Variants in WDFY4 observed in about 807,000 individuals in gnomAD.
WDFY4 encodes the protein WDFY family member 4.
WDFY4 carries 169 observed loss-of-function variants against 351.9 expected under a neutral mutation model. That is an observed-to-expected ratio of 0.48 (90% CI 0.42 to 0.55). The LOEUF is 0.55. WDFY4 is among the 20% of genes least tolerant of loss of function. The probability of loss-of-function intolerance (pLI) is 0.00; values close to 1 mark genes in which losing one functional copy is unlikely to be tolerated. For missense variants in WDFY4, 3,803 were observed against 3,935.6 expected (o/e 0.97, Z 0.90); for synonymous variants, 1,622 against 1,574.6 (o/e 1.03, Z -0.71).
At chr10:48,766,989 C>G (rs532324475) in intron 13 of WDFY4, among the ~76,000 whole-genome samples, 2 of 152,324 alleles carry the variant, frequency 1.3e-5, no homozygotes, top group African/African-American at 4.8e-5. Flanking sequence ...GAAACAGAAG[C>G]AGAAGCCCAC....
rs1406906919 is a variant in WDFY4, at chr10:48,733,977, C to T, written c.1629C>T (p.Leu543=). ...TPGVQDPERE[L]TCVMLRIVVT... ...GTGTTCAGGATCCAGAAAGAGAACT[C>T]ACCTGTGTGATGCTGAGGATTGTAG... The change falls in exon 10 of 62, where the codon CTC becomes CTT. Residue 543 remains leucine, a synonymous_variant. Coordinates refer to ENST00000325239, the MANE Select transcript of WDFY4 (RefSeq NM_001394531.1). The T allele has an allele frequency of 3.9e-6, 6 of 1,551,738 alleles. No homozygotes were observed. The African/African-American group carries it at 8.2e-5, about 21-fold the overall frequency.
chr10:48,878,930 A>G (rs969906201), intron 43 of WDFY4, among the ~76,000 whole-genome samples: 2 of 152,248 alleles, frequency 1.3e-5, no homozygotes, highest in African/African-American at 2.4e-5. Flanking sequence ...TTTTATTTTG[A>G]TAATGGAAGT....
intron 24 of WDFY4, among the ~76,000 whole-genome samples, chr10:48,801,774 A>T (rs2067096918): frequency 2.0e-5 from 3 of 152,238 alleles, no homozygotes; most frequent in Non-Finnish European, 4.4e-5. Flanking sequence ...TCCAGGGATT[A>T]AAGAGGGACA....
At chr10:48,777,677 G>A (rs1589583230) in intron 17 of WDFY4, among the ~76,000 whole-genome samples, 182 bp downstream of exon 17, 1 of 152,320 alleles carries the variant, frequency 6.6e-6, no homozygotes, top group South Asian at 2.1e-4. Context: ...TTGAGGCCAG[G>A]AGTTCCAGGC....
At chr10:48,796,181 T>C in intron 23 of WDFY4, 117 bp from the exon 24 acceptor site, 1 of 1,231,194 alleles carries the variant, frequency 8.1e-7, no homozygotes, top group Non-Finnish European at 1.1e-6. Context: ...GAACATGGAA[T>C]GAAGGATGGT....
chr10:48,849,028 C>A (rs2068871051), intron 39 of WDFY4, among the ~76,000 whole-genome samples: 1 of 152,158 alleles, frequency 6.6e-6, no homozygotes, highest in African/African-American at 2.4e-5. Flanking sequence ...CAGTTTCACT[C>A]TGCCCTCCAT....
chr10:48,731,490 T>G lies in WDFY4; in HGVS notation c.1510T>G (p.Phe504Val). Residue 504 changes from phenylalanine to valine, a missense_variant, in exon 9 of 62, where the codon TTC (phenylalanine) becomes GTC (valine). Around this residue, in one of 3 missense-constraint regions of WDFY4, gnomAD observed 261 missense variants for 330.2 expected, o/e 0.79. Coordinates refer to ENST00000325239, the MANE Select transcript of WDFY4 (RefSeq NM_001394531.1). The part of the protein sequence containing the change: ...AGGDPLFTDI[F>V]RDSGLLGLLL... The stretch of plus-strand genomic sequence containing the variant: ...TGGGGACCCCCTCTTCACCGACATC[T>G]TCCGGGACTCAGGGCTCCTGGGCCT... 6.4e-7 allele frequency: 1 copy of G among 1,551,618 alleles called. No individual in the cohort carries two copies. Among genetic ancestry groups the G allele is most frequent in the Non-Finnish European group, 8.7e-7 (1 of 1,146,974 alleles).
At chr10:48,801,974 G>A (rs867469750) in intron 24 of WDFY4, among the ~76,000 whole-genome samples, 49 of 152,158 alleles carry the variant, frequency 3.2e-4, no homozygotes, top group South Asian at 1.0e-3. Flanking sequence ...AATGGGCTTC[G>A]TAGTCAGGTG....
chr10:48,796,507 A>G, intron 24 of WDFY4, 57 bp downstream of exon 24: 1 of 1,517,988 alleles, frequency 6.6e-7, no homozygotes. Context: ...TAAATATGCT[A>G]AGTCTGGGCT....
In WDFY4 at chr10:48,952,329, G is replaced by A. The variant is rs1414188526; in HGVS notation, c.7978-4800G>A. ...CCTACCCAATGCAGCCAGGGCTGTG[G>A]GGCTAGACATAGAAACTGCCAGCCT... On this transcript the variant is annotated intron_variant, in intron 51 of 61. Coordinates refer to ENST00000325239, the MANE Select transcript of WDFY4 (RefSeq NM_001394531.1). 2.6e-5 allele frequency among the ~76,000 whole-genome samples: 4 copies of A among 152,162 alleles called. No individual in the cohort carries two copies. In the South Asian group the frequency reaches 6.2e-4, roughly 24 times the overall value.
intron 28 of WDFY4, among the ~76,000 whole-genome samples, chr10:48,808,722 G>A (rs1225087249): frequency 6.6e-6 from 1 of 152,184 alleles, no homozygotes; most frequent in Non-Finnish European, 1.5e-5. Context: ...ATCAAAACAT[G>A]GTAGAACTGG....
In WDFY4 at chr10:48,805,335, G is replaced by A. The variant is rs144191162; in HGVS notation, c.4560G>A (p.Pro1520=). ...IPKLIFLFNE[P]SLIPSKISTI... is the part of the protein sequence containing the mutation. ...AGCTCATCTTCCTATTCAATGAGCC[G>A]AGCCTCATCCCCTCCAAGATCTCCA... Residue 1520 remains proline (P), a synonymous_variant, in exon 26 of 62, where the codon CCG becomes CCA. Coordinates refer to ENST00000325239, the MANE Select transcript of WDFY4 (RefSeq NM_001394531.1). 1.0e-5 allele frequency: 16 copies of A among 1,548,800 alleles called. No homozygotes were observed. The highest frequency in any genetic ancestry group is 6.8e-5 in the African/African-American group (5 of 73,084).
At chr10:48,747,940 A>T (rs1164299999) in intron 12 of WDFY4, among the ~76,000 whole-genome samples, 3 of 152,160 alleles carry the variant, frequency 2.0e-5, no homozygotes, top group Non-Finnish European at 2.9e-5. Flanking sequence ...GCCCTTCTGT[A>T]GGTATGGGAA....
rs573088164 is a variant in WDFY4, at chr10:48,897,439, C to T, written c.7317-15C>T. 1.3e-4 allele frequency: 196 copies of T among 1,550,186 alleles called. No individual in the cohort carries two copies. In the African/African-American group the frequency reaches 1.7e-3, roughly 14 times the overall value. On this transcript the variant is annotated splice_polypyrimidine_tract_variant and intron_variant, in intron 44 of 61. Transcript: ENST00000325239. The stretch of plus-strand genomic sequence containing the variant: ...ATGTCTGAACATGTGCCCTGCATGC[C>T]TGTTTCCTTTTCAGCATCAGCGATC...
chr10:48,816,571 A>G (rs1269883297), intron 31 of WDFY4, among the ~76,000 whole-genome samples: 1 of 152,214 alleles, frequency 6.6e-6, no homozygotes, highest in Non-Finnish European at 1.5e-5. Context: ...TGAGCAATTA[A>G]TTTAGGGGTA....
At chr10:48,873,273 C>T (rs1051733715) in intron 40 of WDFY4, among the ~76,000 whole-genome samples, 1 of 152,228 alleles carries the variant, frequency 6.6e-6, no homozygotes, top group African/African-American at 2.4e-5. Flanking sequence ...CAACTTTCTC[C>T]TCCCCTAACT....
At chr10:48,758,930 T>A (rs181230471) in intron 12 of WDFY4, among the ~76,000 whole-genome samples, 10 of 152,324 alleles carry the variant, frequency 6.6e-5, no homozygotes, top group Admixed American at 5.9e-4. Flanking sequence ...TGTTGAGACT[T>A]CCCTGGTTCA....
chr10:48,820,237 G>T lies in WDFY4; in HGVS notation c.5509G>T (p.Val1837Phe), dbSNP rs2067770613. 3.2e-6 allele frequency: 5 copies of T among 1,551,522 alleles called. No individual in the cohort carries two copies. The highest frequency in any genetic ancestry group is 4.4e-6 in the Non-Finnish European group (5 of 1,146,982). ...TTGGGGTTCTCTTGTCTTTGAGGGG[G>T]TTGGGGCTGAGTCCACCCGGAACAC... Reference protein sequence around the residue: ...AAFPLGAQKGVGAESTRNTSS... With the variant: ...AAFPLGAQKGFGAESTRNTSS... The change falls in exon 33 of 62, where the codon GTT becomes TTT. Residue 1837 changes from valine (V) to phenylalanine (F), a missense_variant. Physicochemically the swap from Val to Phe is conservative, Grantham distance 50 (BLOSUM62 -1). Transcript: ENST00000325239.
chr10:48,859,848 G>A (rs1352387058), intron 39 of WDFY4, among the ~76,000 whole-genome samples: 6 of 152,094 alleles, frequency 3.9e-5, no homozygotes, highest in Non-Finnish European at 8.8e-5. Context: ...TATTTTTGGA[G>A]ACTTTAAAAA....
Sources: allele counts gnomAD v4.1 joint callset (sites outside exome capture counted in the v4.1 genomes callset), GRCh38; gene constraint gnomAD v4.1.1; regional missense constraint gnomAD v4.1.1; transcripts MANE v1.5; gene names NCBI Gene and HGNC (gene_info 2026-07-23, HGNC 2026-07-21).